BCAP31: variants seen among roughly 807,000 people sequenced by gnomAD.
BCAP31 encodes B cell receptor associated protein 31.
For missense variants in BCAP31, 124 were observed against 193.0 expected (o/e 0.64, Z 2.12); for synonymous variants, 75 against 80.9 (o/e 0.93, Z 0.39).
At chrX:153,723,803 G>C (rs2091686925) in intron 1 of BCAP31, 1 of 823,493 alleles carries the variant, frequency 1.2e-6, no homozygotes, top group Middle Eastern at 4.0e-4. Context: ...CCGTCCCCAC[G>C]GCGCCCGCGG....
chrX:153,712,347 G>A (rs1317665063), intron 4 of BCAP31, among the ~76,000 whole-genome samples: 1 of 110,153 alleles, frequency 9.1e-6, no homozygotes, highest in African/African-American at 3.3e-5. Flanking sequence ...GGGCTGCAGT[G>A]AGCCATGATC....
chrX:153,723,777 A>G (rs1291248341), intron 1 of BCAP31: 110 of 943,337 alleles, frequency 1.2e-4, no homozygotes, highest in Non-Finnish European at 1.5e-4. Context: ...AGCGCTGCCG[A>G]CGCCCCCGCC....
intron 4 of BCAP31, among the ~76,000 whole-genome samples, chrX:153,706,363 C>A (rs1416379809): frequency 1.8e-5 from 2 of 112,399 alleles, no homozygotes; most frequent in Non-Finnish European, 3.8e-5. Flanking sequence ...AGCCCCTGGT[C>A]TTTTCCCTCC....
At chrX:153,713,861 T>G (rs1375449215) in intron 4 of BCAP31, among the ~76,000 whole-genome samples, 1 of 107,887 alleles carries the variant, frequency 9.3e-6, no homozygotes, top group Non-Finnish European at 1.9e-5. Flanking sequence ...CCGGCAGGTT[T>G]TCACCTTCCC....
At chrX:153,702,738 C>T (rs1557047622) in intron 6 of BCAP31, among the ~76,000 whole-genome samples, 197 bp downstream of exon 6, 1 of 112,941 alleles carries the variant, frequency 8.9e-6, no homozygotes, top group African/African-American at 3.2e-5. Flanking sequence ...ATTCAAACCA[C>T]TTAGCCTCAC....
intron 4 of BCAP31, among the ~76,000 whole-genome samples, chrX:153,705,704 C>G (rs1363221946): frequency 1.8e-5 from 2 of 112,419 alleles, no homozygotes; most frequent in Non-Finnish European, 3.8e-5. Flanking sequence ...AAGACCCAGG[C>G]CCCCGGCAAG....
At chrX:153,720,426 G>A (rs2091657069) in intron 3 of BCAP31, among the ~76,000 whole-genome samples, 1 of 108,312 alleles carries the variant, frequency 9.2e-6, no homozygotes, top group South Asian at 4.0e-4. Flanking sequence ...GTGCAATGGT[G>A]CGATTTAGGC....
intron 4 of BCAP31, among the ~76,000 whole-genome samples, chrX:153,710,001 G>A (rs1366845333): frequency 8.9e-6 from 1 of 112,716 alleles, no homozygotes; most frequent in Non-Finnish European, 1.9e-5. Flanking sequence ...GCTCCACAGG[G>A]AAGCCTCGGA....
At chrX:153,724,292 C>T (rs938877898) in intron 1 of BCAP31, 42 bp downstream of exon 1, 38 of 174,011 alleles carry the variant, frequency 2.2e-4, no homozygotes, top group Non-Finnish European at 4.0e-4. Context: ...CGGGGAGCCT[C>T]CGCGGTCCCG....
intron 4 of BCAP31, among the ~76,000 whole-genome samples, chrX:153,708,739 C>T (rs782372728): frequency 2.0e-4 from 23 of 113,073 alleles, no homozygotes; most frequent in African/African-American, 7.4e-4. Context: ...GACTCTTACC[C>T]ACCAGTCTGG....
intron 7 of BCAP31, among the ~76,000 whole-genome samples, chrX:153,701,524 C>T (rs2091518046): frequency 8.9e-6 from 1 of 112,826 alleles, no homozygotes; most frequent in Non-Finnish European, 1.9e-5. Flanking sequence ...CTGGTGCACC[C>T]AAGCTAGTCT....
At chrX:153,723,340 ATCCAGTTCAG>A in intron 1 of BCAP31, 52 bp from the exon 2 acceptor site, 6 of 1,154,246 alleles carry the variant, frequency 5.2e-6, no homozygotes, top group Non-Finnish European at 6.9e-6. Context: ...AGCCAAGAAC[ATCCAGTTCAG>A]TTACCCTGCG....
chrX:153,716,373 G>GC (rs1460217552), intron 3 of BCAP31, among the ~76,000 whole-genome samples: 7 of 108,460 alleles, frequency 6.5e-5, no homozygotes, highest in South Asian at 4.1e-4. Flanking sequence ...TTGGCCCATA[G>GC]CCCCCCAACC....
chrX:153,715,459 G>A, intron 4 of BCAP31, 83 bp downstream of exon 4: 1 of 1,133,335 alleles, frequency 8.8e-7, no homozygotes, highest in Non-Finnish European at 1.2e-6. Context: ...GTCACAGGGG[G>A]GAGACTGAGC....
At position 153,723,179 on chromosome X, in the gene BCAP31, G is replaced by A. The variant is rs782522172; in HGVS notation, c.66C>T (p.Leu22=). 3 of 1,208,806 alleles carry A rather than the reference G, an allele frequency of 2.5e-6. No homozygotes were observed. The highest frequency in any genetic ancestry group is 3.5e-5 in the African/African-American group (2 of 56,963). Residue 22 remains leucine (L), a synonymous_variant, in exon 2 of 8, where the codon CTC becomes CTT. Coordinates refer to ENST00000345046, the MANE Select transcript of BCAP31 (RefSeq NM_001256447.2). ...LYAEVFVVLL[L]CIPFISPKRW... ...TTTTAGGAGAAATGAAGGGAATGCA[G>A]AGAAGCAACACAACAAAGACCTCCG...
intron 5 of BCAP31, 111 bp from the exon 6 acceptor site, chrX:153,703,169 C>G: frequency 9.5e-7 from 1 of 1,054,455 alleles, no homozygotes; most frequent in Admixed American, 2.4e-5. Context: ...CCACACGCCC[C>G]TTCGGAAATG....
At chrX:153,701,694 G>C (rs1304186106) in intron 7 of BCAP31, among the ~76,000 whole-genome samples, 2 of 113,083 alleles carry the variant, frequency 1.8e-5, no homozygotes, top group African/African-American at 6.4e-5. Flanking sequence ...GGGTCCCAGA[G>C]TTTCACCTGC....
intron 2 of BCAP31, among the ~76,000 whole-genome samples, chrX:153,722,633 T>C (rs376875229): frequency 8.9e-6 from 1 of 112,512 alleles, no homozygotes; most frequent in African/African-American, 3.2e-5. Context: ...TCAGGTATTA[T>C]ACATAATTAA....
Position 153,702,119 on chromosome X carries a change from G to A in BCAP31, c.602-12C>T. The A allele has an allele frequency of 8.4e-7, 1 of 1,184,899 alleles. No homozygotes were observed. The highest frequency in any genetic ancestry group is 1.8e-5 in the South Asian group (1 of 55,476). The stretch of plus-strand genomic sequence containing the variant: ...AGCTTTCTCTAGTTCTTGAAATGAT[G>A]TAAATGACCAAGAAAACAGAAACGA... On this transcript the variant is annotated splice_polypyrimidine_tract_variant and intron_variant, in intron 6 of 7. Transcript: ENST00000345046.
Sources: gnomAD v4.1 joint callset for allele counts (sites outside exome capture counted in the v4.1 genomes callset) on GRCh38, gnomAD v4.1.1 for gene constraint, MANE v1.5 for transcripts, NCBI Gene and HGNC (gene_info 2026-07-23, HGNC 2026-07-21) for gene names.